Variants in STAG1 observed in about 807,000 individuals in gnomAD.
STAG1 encodes cohesin subunit SA-1.
A neutral mutation model predicts 170.9 loss-of-function variants in STAG1; 26 were observed. The ratio of observed to expected loss-of-function variants is 0.15; its 90% CI spans 0.11 to 0.21. The LOEUF (loss-of-function observed/expected upper bound fraction) is 0.21. Ranked by LOEUF, STAG1 falls within the 10% of genes least tolerant of loss-of-function variation. The pLI is 1.00. For missense variants in STAG1, 964 were observed against 1,509.5 expected (o/e 0.64, Z 5.99); for synonymous variants, 514 against 497.7 (o/e 1.03, Z -0.44).
intron 4 of STAG1, among the ~76,000 whole-genome samples, chr3:136,600,288 C>T (rs1025794593): frequency 6.6e-6 from 1 of 152,172 alleles, no homozygotes; most frequent in African/African-American, 2.4e-5. Context: ...TGGCACTTTC[C>T]TTCAGCCTGC....
chr3:136,702,236 C>G (rs536746555), intron 1 of STAG1, among the ~76,000 whole-genome samples: 72 of 152,182 alleles, frequency 4.7e-4, no homozygotes, highest in Non-Finnish European at 3.2e-4. Context: ...CTCCTCTTGC[C>G]TCATCCTCCC....
At chr3:136,423,138 C>A (rs1317902258) in intron 16 of STAG1, 94 bp from the exon 17 acceptor site, 2 of 757,878 alleles carry the variant, frequency 2.6e-6, no homozygotes, top group Non-Finnish European at 4.0e-6. Flanking sequence ...AATAATATAA[C>A]CACAAATTTT....
intron 21 of STAG1, among the ~76,000 whole-genome samples, chr3:136,405,055 C>T (rs541409213): frequency 6.6e-6 from 1 of 152,018 alleles, no homozygotes; most frequent in South Asian, 2.1e-4. Context: ...AAAGAGTGAA[C>T]TAAACTTAAT....
chr3:136,542,098 A>G, intron 6 of STAG1, 21 bp downstream of exon 6: 1 of 1,565,596 alleles, frequency 6.4e-7, no homozygotes, highest in African/African-American at 1.3e-5. Flanking sequence ...AGCAATTTGT[A>G]TGAATATTGG....
intron 4 of STAG1, among the ~76,000 whole-genome samples, chr3:136,572,191 G>GGAAA (rs1232691595): frequency 6.6e-6 from 1 of 151,992 alleles, no homozygotes; most frequent in African/African-American, 2.4e-5. Flanking sequence ...CTCCAGCCTA[G>GGAAA]GAAACAGAGC....
intron 7 of STAG1, among the ~76,000 whole-genome samples, chr3:136,514,491 G>C (rs1934243975): frequency 6.6e-6 from 1 of 152,176 alleles, no homozygotes; most frequent in South Asian, 2.1e-4. Flanking sequence ...AACCATTGTG[G>C]AAGACAGTGT....
chr3:136,630,908 G>C lies in STAG1; in HGVS notation c.-10C>G. ...ATTCTGAAGTAATCATTGCTGGAGA[G>C]GTCCTTTCACAATGCAGCAAAATAA... On this transcript the variant is annotated 5_prime_UTR_variant, in exon 2 of 34. Transcript: ENST00000383202. 6.4e-7 allele frequency: 1 copy of C among 1,563,894 alleles called. No homozygotes were observed. Among genetic ancestry groups the C allele is most frequent in the Non-Finnish European group, 8.7e-7 (1 of 1,152,734 alleles).
chr3:136,451,320 A>G (rs1352247225), intron 14 of STAG1, among the ~76,000 whole-genome samples: 1 of 152,248 alleles, frequency 6.6e-6, no homozygotes, highest in Non-Finnish European at 1.5e-5. Context: ...TACAACTATC[A>G]ATTAAAACAT....
At chr3:136,726,762 C>T (rs1324489608) in intron 1 of STAG1, among the ~76,000 whole-genome samples, 1 of 152,118 alleles carries the variant, frequency 6.6e-6, no homozygotes, top group Non-Finnish European at 1.5e-5. Flanking sequence ...TCTTAAAACT[C>T]TCTAACAGCT....
At chr3:136,390,679 T>C (rs2086985667) in intron 22 of STAG1, among the ~76,000 whole-genome samples, 1 of 152,242 alleles carries the variant, frequency 6.6e-6, no homozygotes, top group African/African-American at 2.4e-5. Context: ...CAAGGATCAC[T>C]ATTATTTCTC....
chr3:136,546,485 A>G (rs975946981), intron 5 of STAG1, among the ~76,000 whole-genome samples: 1 of 152,210 alleles, frequency 6.6e-6, no homozygotes, highest in African/African-American at 2.4e-5. Flanking sequence ...CAACCAAAAA[A>G]TTTTAGTCAT....
chr3:136,734,261 G>A (rs1472304119), intron 1 of STAG1, among the ~76,000 whole-genome samples: 5 of 152,062 alleles, frequency 3.3e-5, no homozygotes, highest in Non-Finnish European at 7.4e-5. Flanking sequence ...TATAATCATG[G>A]TCAACTAAGC....
At chr3:136,536,085 T>G (rs1432715544) in intron 6 of STAG1, among the ~76,000 whole-genome samples, 1 of 152,180 alleles carries the variant, frequency 6.6e-6, no homozygotes, top group Non-Finnish European at 1.5e-5. Context: ...CAGATAGTAT[T>G]TCATCTAGTA....
At chr3:136,524,252 G>T (rs1372547326) in intron 6 of STAG1, among the ~76,000 whole-genome samples, 2 of 152,144 alleles carry the variant, frequency 1.3e-5, no homozygotes, top group Non-Finnish European at 2.9e-5. Context: ...CCATTTGTTT[G>T]TGTCGTCTTT....
chr3:136,601,558 T>C (rs997806046), intron 4 of STAG1, among the ~76,000 whole-genome samples: 2 of 152,178 alleles, frequency 1.3e-5, no homozygotes, highest in East Asian at 1.9e-4. Flanking sequence ...CTCATGCCTG[T>C]AATCCCAGCA....
At chr3:136,405,229 CTCT>C (rs2087443960) in intron 21 of STAG1, among the ~76,000 whole-genome samples, 1 of 118,508 alleles carries the variant, frequency 8.4e-6, no homozygotes, top group African/African-American at 3.0e-5. Flanking sequence ...ATGAAAAAAC[CTCT>C]TTTTTTTTTT....
intron 21 of STAG1, among the ~76,000 whole-genome samples, chr3:136,410,265 T>G (rs181344821): frequency 2.0e-5 from 3 of 151,544 alleles, no homozygotes; most frequent in Admixed American, 2.0e-4. Flanking sequence ...CTCGGTGTGG[T>G]GGCGGGCTCC....
At chr3:136,594,328 C>T (rs1267340308) in intron 4 of STAG1, among the ~76,000 whole-genome samples, 1 of 152,288 alleles carries the variant, frequency 6.6e-6, no homozygotes, top group Non-Finnish European at 1.5e-5. Context: ...ACCAATGTCA[C>T]TATAAAAGTC....
intron 1 of STAG1, among the ~76,000 whole-genome samples, chr3:136,704,849 TAAAG>T (rs912176988): frequency 6.5e-5 from 8 of 123,030 alleles, no homozygotes; most frequent in East Asian, 2.3e-4. Context: ...AAAAAAAAGA[TAAAG>T]AAGAATGCAT....
Sources: gnomAD v4.1 joint callset for allele counts (sites outside exome capture counted in the v4.1 genomes callset) on GRCh38, gnomAD v4.1.1 for gene constraint, MANE v1.5 for transcripts, NCBI Gene and HGNC (gene_info 2026-07-23, HGNC 2026-07-21) for gene names.